The following RSRC1 variants were observed in gnomAD, a reference collection of about 807,000 sequenced individuals.
RSRC1 encodes the protein arginine and serine rich coiled-coil 1, also known as serine/Arginine-related protein 53.
Under a neutral mutation model 49.1 loss-of-function variants are expected in RSRC1, and 39 were observed. The ratio of observed to expected loss-of-function variants is 0.79; its 90% CI spans 0.61 to 1.04. The LOEUF is 1.04. RSRC1 is among the 50% of genes least tolerant of loss of function. The pLI, the probability that RSRC1 is intolerant of heterozygous loss-of-function variation, is 0.00. For synonymous variants in RSRC1, 143 were observed against 130.8 expected, an observed-to-expected ratio of 1.09 and a Z score of -0.63; for missense variants, 388 against 402.4, an observed-to-expected ratio of 0.96 and a Z score of 0.31.
At position 158,156,986 on chromosome 3, in the gene RSRC1, T is replaced by C. The variant is rs77994881; in HGVS notation, c.320+32995T>C. On this transcript the variant is annotated intron_variant, in intron 3 of 9. Coordinates refer to ENST00000611884, the MANE Select transcript of RSRC1 (RefSeq NM_001271838.2). ...ACTCAGAGTTGCCACAAACCTTCAATTTGTAAAAGTCACAATATCTGCAAA... is the reference window on the plus strand; with the variant it reads ...ACTCAGAGTTGCCACAAACCTTCAACTTGTAAAAGTCACAATATCTGCAAA... 8.8e-3 allele frequency among the ~76,000 whole-genome samples: 1,345 copies of C among 152,278 alleles called. 18 individuals are homozygous for C. The highest frequency in any genetic ancestry group is 0.031 in the African/African-American group (1,288 of 41,550).
chr3:158,428,575 T>C (rs1735592148), intron 6 of RSRC1, among the ~76,000 whole-genome samples: 1 of 151,846 alleles, frequency 6.6e-6, no homozygotes, highest in Non-Finnish European at 1.5e-5. Context: ...AGTTAATACA[T>C]GTAAAATGTT....
chr3:158,161,413 G>C (rs1280724193), intron 3 of RSRC1, among the ~76,000 whole-genome samples: 3 of 152,150 alleles, frequency 2.0e-5, no homozygotes, highest in Non-Finnish European at 4.4e-5. Flanking sequence ...CATTTCATTG[G>C]CCAAAGCAAA....
At chr3:158,140,955 T>C (rs971474936) in intron 3 of RSRC1, among the ~76,000 whole-genome samples, 1 of 152,190 alleles carries the variant, frequency 6.6e-6, no homozygotes, top group East Asian at 1.9e-4. Flanking sequence ...GAAGCAAAGC[T>C]CTCAGGCACC....
At chr3:158,356,600 T>A (rs75428945) in intron 6 of RSRC1, among the ~76,000 whole-genome samples, 1,988 of 152,244 alleles carry the variant, frequency 0.013, 41 homozygotes, top group African/African-American at 0.044. Context: ...TTAATTTTTT[T>A]AATATTTTCA....
chr3:158,227,772 G>C (rs992489653), intron 4 of RSRC1, among the ~76,000 whole-genome samples: 1 of 152,018 alleles, frequency 6.6e-6, no homozygotes, highest in Non-Finnish European at 1.5e-5. Context: ...TCAGCTTTGT[G>C]GGCATACAAT....
chr3:158,251,815 C>A (rs973067644), intron 4 of RSRC1, among the ~76,000 whole-genome samples: 10 of 152,182 alleles, frequency 6.6e-5, no homozygotes, highest in African/African-American at 1.9e-4. Context: ...ATTTTCTTTT[C>A]TTGTTTGATT....
At chr3:158,462,087 G>T (rs958949931) in intron 7 of RSRC1, among the ~76,000 whole-genome samples, 1 of 150,836 alleles carries the variant, frequency 6.6e-6, no homozygotes, top group Non-Finnish European at 1.5e-5. Flanking sequence ...TACACATATA[G>T]TATAGTGTTC....
chr3:158,130,006 G>C (rs1357392357), intron 3 of RSRC1, among the ~76,000 whole-genome samples: 1 of 152,200 alleles, frequency 6.6e-6, no homozygotes, highest in Non-Finnish European at 1.5e-5. Context: ...GCTGTGACAA[G>C]ATACTGTGTG....
At chr3:158,444,767 G>A (rs1270357501) in intron 6 of RSRC1, among the ~76,000 whole-genome samples, 1 of 152,040 alleles carries the variant, frequency 6.6e-6, no homozygotes, top group East Asian at 1.9e-4. Flanking sequence ...ATCTGACAAA[G>A]GGCTAATATC....
chr3:158,428,971 CTTGATTTGCAGCTGTAGCAGGT>C (rs1560039129), intron 6 of RSRC1, among the ~76,000 whole-genome samples: 3 of 151,788 alleles, frequency 2.0e-5, no homozygotes, highest in African/African-American at 7.2e-5. Context: ...CTAGTAGCTT[CTTGATTTGCAGCTGTAGCAGGT>C]TATTCTTGAA....
Position 158,413,453 on chromosome 3 carries a change from C to G in RSRC1, c.584-47482C>G, listed in dbSNP as rs533113193. Among the ~76,000 whole-genome samples the G allele has an allele frequency of 5.3e-5, 8 of 152,204 alleles. No individual in the cohort carries two copies. In the South Asian group the frequency reaches 1.7e-3, roughly 32 times the overall value. On this transcript the variant is annotated intron_variant, in intron 6 of 9. Transcript: ENST00000611884. ...GGCAAAGATTTTATGACAAAAATGTCAAAAGCAATTGCAACAAAAGCAAAA... is the reference window on the plus strand; with the variant it reads ...GGCAAAGATTTTATGACAAAAATGTGAAAAGCAATTGCAACAAAAGCAAAA...
intron 4 of RSRC1, among the ~76,000 whole-genome samples, chr3:158,249,145 G>C (rs530090584): frequency 6.6e-6 from 1 of 151,954 alleles, no homozygotes; most frequent in Admixed American, 6.6e-5. Context: ...ATTTTATTGA[G>C]GTATAATTAA....
At chr3:158,160,259 C>T (rs1254936731) in intron 3 of RSRC1, among the ~76,000 whole-genome samples, 1 of 152,164 alleles carries the variant, frequency 6.6e-6, no homozygotes, top group Non-Finnish European at 1.5e-5. Flanking sequence ...TGCCCCAAGC[C>T]ATTCACTTAT....
At chr3:158,398,711 C>T (rs537620225) in intron 6 of RSRC1, among the ~76,000 whole-genome samples, 2 of 152,230 alleles carry the variant, frequency 1.3e-5, no homozygotes, top group African/African-American at 4.8e-5. Flanking sequence ...TCTATAGTAG[C>T]TATCCCTTCT....
chr3:158,115,229 C>G lies in RSRC1; in HGVS notation c.-3+5006C>G, dbSNP rs1714719932. 2.6e-5 allele frequency among the ~76,000 whole-genome samples: 4 copies of G among 152,190 alleles called. No individual in the cohort carries two copies. In the South Asian group the frequency reaches 8.3e-4, roughly 32 times the overall value. On this transcript the variant is annotated intron_variant, in intron 1 of 9. Coordinates refer to ENST00000611884, the MANE Select transcript of RSRC1 (RefSeq NM_001271838.2). ...GTGTTAAATGTAATCAACCAGCCTT[C>G]TATTATGGATAAATTATGTTGTTTG...
At chr3:158,507,119 G>A (rs1450810761) in intron 7 of RSRC1, among the ~76,000 whole-genome samples, 2 of 151,974 alleles carry the variant, frequency 1.3e-5, no homozygotes, top group African/African-American at 4.8e-5. Context: ...AGGTCATTAA[G>A]TTAAATAAAA....
At chr3:158,396,176 C>A (rs1371701802) in intron 6 of RSRC1, among the ~76,000 whole-genome samples, 1 of 151,974 alleles carries the variant, frequency 6.6e-6, no homozygotes, top group African/African-American at 2.4e-5. Context: ...ACAGCAGACA[C>A]CAGGGCCTAC....
intron 3 of RSRC1, among the ~76,000 whole-genome samples, chr3:158,129,288 CTTTTTTTTTTTTTTT>C (rs71144439): frequency 2.5e-4 from 18 of 71,076 alleles, no homozygotes; most frequent in Middle Eastern, 0.023. Flanking sequence ...TTCTTTCTTT[CTTTTTTTTTTTTTTT>C]TTTTTTTTGA....
intron 3 of RSRC1, among the ~76,000 whole-genome samples, chr3:158,161,284 G>C (rs1247403987): frequency 2.0e-5 from 3 of 152,064 alleles, no homozygotes; most frequent in Non-Finnish European, 4.4e-5. Flanking sequence ...CTCTGTTCCT[G>C]TCTCTTTCAT....
Sources: allele counts gnomAD v4.1 joint callset (sites outside exome capture counted in the v4.1 genomes callset), GRCh38; gene constraint gnomAD v4.1.1; transcripts MANE v1.5; gene names NCBI Gene and HGNC (gene_info 2026-07-23, HGNC 2026-07-21).